Variants in CDKAL1 observed in about 807,000 individuals in gnomAD.
The protein encoded by CDKAL1 is threonylcarbamoyladenosine tRNA methylthiotransferase.
A neutral mutation model predicts 68.2 loss-of-function variants in CDKAL1; 32 were observed. The ratio of observed to expected loss-of-function variants is 0.47; its 90% CI spans 0.35 to 0.63. The LOEUF is 0.63. Ranked by LOEUF, CDKAL1 falls within the 30% of genes least tolerant of loss-of-function variation. The pLI is 0.00. For synonymous variants in CDKAL1, 234 were observed against 244.3 expected (o/e 0.96, Z 0.39); for missense variants, 606 against 696.7 (o/e 0.87, Z 1.47).
At chr6:20,823,724 A>G (rs1230710796) in intron 8 of CDKAL1, among the ~76,000 whole-genome samples, 3 of 152,192 alleles carry the variant, frequency 2.0e-5, no homozygotes, top group African/African-American at 7.2e-5. Flanking sequence ...TCGGTGAACA[A>G]TTATTTGAGA....
intron 8 of CDKAL1, among the ~76,000 whole-genome samples, chr6:20,814,579 C>G (rs939237933): frequency 6.6e-6 from 1 of 152,170 alleles, no homozygotes; most frequent in African/African-American, 2.4e-5. Context: ...CATGCCTGAC[C>G]TTTTTCTCTG....
At chr6:21,121,072 A>G (rs1774685696) in intron 13 of CDKAL1, among the ~76,000 whole-genome samples, 1 of 152,206 alleles carries the variant, frequency 6.6e-6, no homozygotes, top group Non-Finnish European at 1.5e-5. Context: ...ATGCCCATCA[A>G]CAATGTAAGA....
At chr6:20,737,902 G>C (rs1381092469) in intron 5 of CDKAL1, among the ~76,000 whole-genome samples, 2 of 152,130 alleles carry the variant, frequency 1.3e-5, no homozygotes, top group Non-Finnish European at 1.5e-5. Flanking sequence ...CATTCTCTCT[G>C]TACTTCCCAG....
intron 8 of CDKAL1, among the ~76,000 whole-genome samples, chr6:20,828,788 A>C (rs898131410): frequency 1.3e-5 from 2 of 152,176 alleles, no homozygotes; most frequent in Admixed American, 1.3e-4. Context: ...AAACATCACC[A>C]CTATCCACCT....
intron 4 of CDKAL1, among the ~76,000 whole-genome samples, chr6:20,583,481 A>G (rs1021915862): frequency 7.2e-5 from 11 of 152,188 alleles, no homozygotes; most frequent in Non-Finnish European, 1.5e-4. Flanking sequence ...AAACCTTAAT[A>G]TTTGAATCAG....
chr6:20,689,442 A>G (rs1770775679), intron 5 of CDKAL1, among the ~76,000 whole-genome samples: 1 of 152,142 alleles, frequency 6.6e-6, no homozygotes, highest in Admixed American at 6.5e-5. Flanking sequence ...TGTCTCCAAT[A>G]TTAGGGGCAG....
At chr6:20,902,779 G>T (rs1762063581) in intron 9 of CDKAL1, among the ~76,000 whole-genome samples, 1 of 152,162 alleles carries the variant, frequency 6.6e-6, no homozygotes, top group Admixed American at 6.5e-5. Context: ...TTTCCAAAAG[G>T]CAATAACAGA....
intron 8 of CDKAL1, among the ~76,000 whole-genome samples, chr6:20,798,357 TTA>T (rs1188807453): frequency 1.3e-5 from 2 of 152,054 alleles, no homozygotes; most frequent in African/African-American, 4.8e-5. Flanking sequence ...AAAATGAAAT[TTA>T]TGTCAGTTTT....
At chr6:20,999,430 T>C (rs1396678236) in intron 10 of CDKAL1, among the ~76,000 whole-genome samples, 2 of 152,104 alleles carry the variant, frequency 1.3e-5, no homozygotes, top group Non-Finnish European at 2.9e-5. Flanking sequence ...TCGCCCCCTT[T>C]GTATCCTTGG....
At chr6:20,962,656 T>C (rs1765110465) in intron 10 of CDKAL1, among the ~76,000 whole-genome samples, 1 of 152,202 alleles carries the variant, frequency 6.6e-6, no homozygotes, top group East Asian at 1.9e-4. Context: ...TCAAGCTGTG[T>C]CTTTAAACAT....
At chr6:20,901,062 T>C (rs1373752301) in intron 9 of CDKAL1, among the ~76,000 whole-genome samples, 1 of 152,104 alleles carries the variant, frequency 6.6e-6, no homozygotes, top group East Asian at 1.9e-4. Flanking sequence ...TTCTTTGAAG[T>C]CTAGCGATGA....
At chr6:20,592,880 G>C (rs533177128) in intron 4 of CDKAL1, among the ~76,000 whole-genome samples, 44 of 152,102 alleles carry the variant, frequency 2.9e-4, no homozygotes, top group Non-Finnish European at 3.1e-4. Flanking sequence ...TAGCATGAAG[G>C]GGTGTTGAAT....
chr6:20,732,240 T>C (rs72832308), intron 5 of CDKAL1, among the ~76,000 whole-genome samples: 19,846 of 146,690 alleles, frequency 0.14, 1,613 homozygotes, highest in East Asian at 0.39. Context: ...CCTTTTCTTT[T>C]TTTCTTTTTC....
chr6:21,136,312 C>T (rs749492205), intron 13 of CDKAL1, among the ~76,000 whole-genome samples: 6 of 152,172 alleles, frequency 3.9e-5, no homozygotes, highest in Admixed American at 2.6e-4. Flanking sequence ...GTACGCAAGA[C>T]GTTGAAAATA....
chr6:20,627,764 C>A (rs532922599), intron 4 of CDKAL1, among the ~76,000 whole-genome samples: 1 of 152,252 alleles, frequency 6.6e-6, no homozygotes, highest in East Asian at 1.9e-4. Flanking sequence ...ATTTTTTCAA[C>A]ACAATTTTAT....
chr6:20,664,274 A>C (rs1036991608), intron 5 of CDKAL1, among the ~76,000 whole-genome samples: 6 of 151,386 alleles, frequency 4.0e-5, no homozygotes, highest in Non-Finnish European at 8.8e-5. Flanking sequence ...TTAAGAAAGA[A>C]ACTGACAGAA....
At chr6:21,163,314 G>A (rs1020271580) in intron 13 of CDKAL1, among the ~76,000 whole-genome samples, 4 of 152,170 alleles carry the variant, frequency 2.6e-5, no homozygotes, top group Non-Finnish European at 5.9e-5. Context: ...TCTCAGTGAT[G>A]CAGAGGCCTC....
chr6:20,834,591 G>A (rs764891936), intron 8 of CDKAL1, among the ~76,000 whole-genome samples: 2 of 152,118 alleles, frequency 1.3e-5, no homozygotes, highest in Non-Finnish European at 2.9e-5. Context: ...AGGACCTCTC[G>A]TATCAATGCT....
intron 9 of CDKAL1, among the ~76,000 whole-genome samples, chr6:20,926,982 A>C (rs1275854332): frequency 1.3e-5 from 2 of 150,654 alleles, no homozygotes; most frequent in Non-Finnish European, 3.0e-5. Flanking sequence ...AGAGTTAGTC[A>C]CCCTTTGGTA....
Sources: allele counts gnomAD v4.1 joint callset (sites outside exome capture counted in the v4.1 genomes callset), GRCh38; gene constraint gnomAD v4.1.1; transcripts MANE v1.5; gene names NCBI Gene and HGNC (gene_info 2026-07-23, HGNC 2026-07-21).